PCSK6: variants seen among roughly 807,000 people sequenced by gnomAD.
PCSK6 encodes the protein paired basic amino acid cleaving enzyme 4.
Under a neutral mutation model 123.3 loss-of-function variants are expected in PCSK6, and 85 were observed. That is an observed-to-expected ratio of 0.69 (90% CI 0.58 to 0.83). The LOEUF (loss-of-function observed/expected upper bound fraction) is 0.83, where lower values mean the gene tolerates loss of function less well. Among genes scored for constraint, PCSK6 ranks in the 40% least tolerant of loss-of-function variants. The probability of loss-of-function intolerance (pLI) is 0.00; values close to 1 mark genes in which losing one functional copy is unlikely to be tolerated. For synonymous variants in PCSK6, 508 were observed against 516.0 expected, an observed-to-expected ratio of 0.98 and a Z score of 0.21; for missense variants, 1,191 against 1,282.3, an observed-to-expected ratio of 0.93 and a Z score of 1.09.
chr15:101,481,755 C>G (rs1037547969), intron 1 of PCSK6, among the ~76,000 whole-genome samples: 1 of 152,106 alleles, frequency 6.6e-6, no homozygotes, highest in Non-Finnish European at 1.5e-5. Flanking sequence ...GGGACCCACA[C>G]GAGGAGGAGG....
intron 13 of PCSK6, chr15:101,346,863 C>T (rs2040744652): frequency 8.1e-7 from 1 of 1,231,670 alleles, no homozygotes; most frequent in Non-Finnish European, 1.0e-6. Context: ...TAAATGTGCA[C>T]AGCAGCAGTT....
At chr15:101,411,349 G>A (rs2055677009) in intron 6 of PCSK6, among the ~76,000 whole-genome samples, 1 of 152,150 alleles carries the variant, frequency 6.6e-6, no homozygotes, top group Admixed American at 6.5e-5. Flanking sequence ...CTGGTGCAGT[G>A]AGACAGGGTC....
chr15:101,314,313 C>CA (rs1416555648), intron 19 of PCSK6, among the ~76,000 whole-genome samples: 48 of 152,210 alleles, frequency 3.2e-4, no homozygotes, highest in African/African-American at 1.1e-3. Flanking sequence ...GACTAGATAG[C>CA]ACCTCCTCTG....
At chr15:101,336,555 C>T (rs2040483090) in intron 13 of PCSK6, among the ~76,000 whole-genome samples, 1 of 152,188 alleles carries the variant, frequency 6.6e-6, no homozygotes, top group African/African-American at 2.4e-5. Flanking sequence ...AACGGAGCAT[C>T]CTTTTCATAT....
chr15:101,306,420 G>T (rs1440578701), intron 21 of PCSK6, among the ~76,000 whole-genome samples: 5 of 152,002 alleles, frequency 3.3e-5, no homozygotes, highest in Admixed American at 6.5e-5. Context: ...TCCATGCTCT[G>T]CCTGGACAGG....
At chr15:101,333,100 G>A (rs528878374) in intron 13 of PCSK6, among the ~76,000 whole-genome samples, 6 of 152,186 alleles carry the variant, frequency 3.9e-5, no homozygotes, top group African/African-American at 1.4e-4. Context: ...ATTAATTAAC[G>A]CCTATCTGCA....
At chr15:101,429,938 G>A (rs373392649) in intron 5 of PCSK6, 49 bp downstream of exon 5, 71 of 1,450,704 alleles carry the variant, frequency 4.9e-5, no homozygotes, top group Middle Eastern at 1.8e-4. Flanking sequence ...CAATAGTGAC[G>A]CTGCAGGGAG....
intron 1 of PCSK6, among the ~76,000 whole-genome samples, chr15:101,479,455 TGAGGCA>T (rs2057814570): frequency 6.6e-6 from 1 of 152,078 alleles, no homozygotes; most frequent in African/African-American, 2.4e-5. Flanking sequence ...GGGAAGCCAG[TGAGGCA>T]GTCACCAGGA....
intron 12 of PCSK6, among the ~76,000 whole-genome samples, chr15:101,367,908 T>G (rs2141458595): frequency 6.6e-6 from 1 of 152,254 alleles, no homozygotes; most frequent in Admixed American, 6.5e-5. Flanking sequence ...CACTGCAACC[T>G]CCGCCTCCTG....
At chr15:101,325,157 A>G (rs1232945306) in intron 16 of PCSK6, 111 bp from the exon 17 acceptor site, 3 of 712,852 alleles carry the variant, frequency 4.2e-6, no homozygotes, top group Non-Finnish European at 6.9e-6. Context: ...AATGTCAAAC[A>G]TGATGCCCTT....
At chr15:101,447,201 T>C (rs1304900793) in intron 1 of PCSK6, among the ~76,000 whole-genome samples, 3 of 152,046 alleles carry the variant, frequency 2.0e-5, no homozygotes, top group Non-Finnish European at 4.4e-5. Flanking sequence ...CCCTCCCCAG[T>C]GAGGGAGGCT....
At chr15:101,443,893 CCACATACTCCAT>C (rs2056821417) in intron 1 of PCSK6, among the ~76,000 whole-genome samples, 1 of 152,216 alleles carries the variant, frequency 6.6e-6, no homozygotes, top group Non-Finnish European at 1.5e-5. Context: ...TTCCCATGGA[CCACATACTCCAT>C]CACATCTCAC....
In PCSK6 at chr15:101,398,604, G is replaced by A. The variant is rs377206733; in HGVS notation, c.824-28C>T. 855 of 1,593,246 alleles carry A rather than the reference G, an allele frequency of 5.4e-4. No individual in the cohort carries two copies. Among genetic ancestry groups the A allele is most frequent in the Non-Finnish European group, 5.5e-4 (637 of 1,168,652 alleles). Reference sequence around the variant, plus strand: ...GAAAGCACAGAGGAGGCTCGGTGTCGGCGCCCAGGCTCCGGGCACACAGCG... The same window carrying A: ...GAAAGCACAGAGGAGGCTCGGTGTCAGCGCCCAGGCTCCGGGCACACAGCG... On this transcript the variant is annotated intron_variant, in intron 6 of 21. Coordinates refer to ENST00000611716, the MANE Select transcript of PCSK6 (RefSeq NM_002570.5). The surrounding 1 kb of genome is among the most constrained non-coding windows in gnomAD (Gnocchi z 4.6).
intron 6 of PCSK6, among the ~76,000 whole-genome samples, chr15:101,401,631 C>T (rs930780412): frequency 7.9e-5 from 12 of 152,202 alleles, no homozygotes; most frequent in East Asian, 1.9e-4. Flanking sequence ...TCTCCCGTCT[C>T]GCTGAGCCTC....
chr15:101,381,567 C>T lies in PCSK6; in HGVS notation c.1532+525G>A, dbSNP rs565941304. 2.0e-5 allele frequency among the ~76,000 whole-genome samples: 3 copies of T among 152,328 alleles called. No homozygotes were observed. The East Asian group carries it at 5.8e-4, about 29-fold the overall frequency. On this transcript the variant is annotated intron_variant, in intron 11 of 21. Transcript: ENST00000611716. ...AAAAGCCACACAAAGCTGCTATGCT[C>T]TGTGAATAATAAGCAGTACCCCACA...
intron 1 of PCSK6, among the ~76,000 whole-genome samples, chr15:101,446,803 G>A (rs116384684): frequency 2.4e-4 from 36 of 152,322 alleles, no homozygotes; most frequent in Non-Finnish European, 3.8e-4. Flanking sequence ...ACACAGGTGC[G>A]GCTGCAAGCC....
At position 101,331,995 on chromosome 15, in the gene PCSK6, G is replaced by A; in HGVS notation, c.1895C>T (p.Thr632Ile). Residue 632 changes from threonine to isoleucine, a missense_variant, in exon 14 of 22, where the codon ACA (threonine) becomes ATA (isoleucine). By Grantham distance (89) the Thr-to-Ile change is moderately conservative. Transcript: ENST00000611716. ...GAAGGTGTGGTACGGGTGCTCTGCT[G>A]TGCCATACAGTATGAGGCTCCATTC... ...LKEWSLILYG[T>I]AEHPYHTFSA... The A allele has an allele frequency of 1.9e-6, 3 of 1,612,192 alleles. No individual in the cohort carries two copies. In the South Asian group the frequency reaches 3.3e-5, roughly 18 times the overall value.
chr15:101,327,672 T>A (rs2040287191), intron 15 of PCSK6, among the ~76,000 whole-genome samples: 2 of 152,340 alleles, frequency 1.3e-5, no homozygotes, highest in African/African-American at 4.8e-5. Context: ...ACAAAAGTCC[T>A]CATTCTCTGC....
intron 6 of PCSK6, among the ~76,000 whole-genome samples, chr15:101,401,115 C>G (rs1365789810): frequency 6.6e-6 from 1 of 152,206 alleles, no homozygotes; most frequent in African/African-American, 2.4e-5. Flanking sequence ...CTCCAAAAGC[C>G]TGGAATTGTA....
Sources: allele counts gnomAD v4.1 joint callset (sites outside exome capture counted in the v4.1 genomes callset), GRCh38; gene constraint gnomAD v4.1.1; non-coding constraint Gnocchi (gnomAD v3.1); transcripts MANE v1.5; gene names NCBI Gene and HGNC (gene_info 2026-07-23, HGNC 2026-07-21).